LNX1: variants seen among roughly 807,000 people sequenced by gnomAD.
LNX1 encodes ligand of numb-protein X 1.
LNX1 carries 54 observed loss-of-function variants against 68.4 expected under a neutral mutation model. The observed-to-expected ratio is 0.79, with a 90% confidence interval of 0.63 to 0.99. The LOEUF is 0.99. Ranked by LOEUF, LNX1 falls within the 50% of genes least tolerant of loss-of-function variation. The pLI, the probability that LNX1 is intolerant of heterozygous loss-of-function variation, is 0.00. For synonymous variants in LNX1, 336 were observed against 350.0 expected, an observed-to-expected ratio of 0.96 and a Z score of 0.45; for missense variants, 906 against 926.4, an observed-to-expected ratio of 0.98 and a Z score of 0.29.
chr4:53,564,052 G>A (rs545552763), intron 2 of LNX1, among the ~76,000 whole-genome samples: 34 of 152,344 alleles, frequency 2.2e-4, no homozygotes, highest in Non-Finnish European at 4.0e-4. Flanking sequence ...TGCTGTGGGC[G>A]CCTGTGAAGG....
At chr4:53,614,857 G>A (rs1733628264) in intron 2 of LNX1, among the ~76,000 whole-genome samples, 1 of 152,144 alleles carries the variant, frequency 6.6e-6, no homozygotes, top group Non-Finnish European at 1.5e-5. Context: ...GAGGCTCCAG[G>A]TGCAGGGAGG....
Position 53,501,299 on chromosome 4 carries a change from T to TTGGGGGGGGGG in LNX1, c.776-2457_776-2456insCCCCCCCCCCA, listed in dbSNP as rs56165716. Reference sequence around the variant, plus strand: ...TAATAATCTTTTTTTTTTTTTTTTTTGGGGGTGGGGGGACAGGATCTCACT... The same window carrying TTGGGGGGGGGG: ...TAATAATCTTTTTTTTTTTTTTTTTTTGGGGGGGGGGGGGGGTGGGGGGACAGGATCTCACT... On this transcript the variant is annotated intron_variant, in intron 4 of 10. Transcript: ENST00000263925. 4.9e-4 allele frequency among the ~76,000 whole-genome samples: 19 copies of TTGGGGGGGGGG among 38,768 alleles called. 3 individuals are homozygous for TTGGGGGGGGGG. The highest frequency in any genetic ancestry group is 1.3e-3 in the Non-Finnish European group (18 of 14,374). 25.4% of individuals were successfully genotyped at this position (38,768 alleles called of 152,430 possible). A position where few individuals can be genotyped will look rare whatever the true frequency, so the allele number is the denominator to read the frequency against.
chr4:53,487,747 GA>G (rs1264188858), intron 6 of LNX1, among the ~76,000 whole-genome samples: 1 of 152,206 alleles, frequency 6.6e-6, no homozygotes, highest in Non-Finnish European at 1.5e-5. Flanking sequence ...GCTGCTTATA[GA>G]GCTCGTCCTC....
chr4:53,491,792 C>CTTTT (rs149789223), intron 6 of LNX1, among the ~76,000 whole-genome samples: 2 of 62,228 alleles, frequency 3.2e-5, no homozygotes, highest in Non-Finnish European at 4.5e-5. Flanking sequence ...GGATACGATA[C>CTTTT]TTTTTTTTGT....
chr4:53,465,211 C>A (rs774421003), intron 9 of LNX1, among the ~76,000 whole-genome samples: 7 of 152,254 alleles, frequency 4.6e-5, no homozygotes, highest in Non-Finnish European at 1.0e-4. Context: ...CAGTTTACAT[C>A]TTTAAAAAGT....
At chr4:53,541,864 T>A (rs142170657) in intron 2 of LNX1, among the ~76,000 whole-genome samples, 1 of 152,274 alleles carries the variant, frequency 6.6e-6, no homozygotes, top group East Asian at 1.9e-4. Context: ...AGCTTTGTAA[T>A]AAGTGAAATT....
At chr4:53,565,872 G>A (rs1327967139) in intron 2 of LNX1, among the ~76,000 whole-genome samples, 4 of 152,176 alleles carry the variant, frequency 2.6e-5, no homozygotes. Context: ...AGGAGCCGAC[G>A]TGATCAACTG....
At chr4:53,509,395 A>T (rs1408306149) in intron 2 of LNX1, among the ~76,000 whole-genome samples, 2 of 152,376 alleles carry the variant, frequency 1.3e-5, no homozygotes, top group East Asian at 3.9e-4. Context: ...GATGAAATCA[A>T]AGGTCAGTCT....
At chr4:53,480,537 T>C (rs560778073) in intron 7 of LNX1, among the ~76,000 whole-genome samples, 1 of 152,324 alleles carries the variant, frequency 6.6e-6, no homozygotes, top group Non-Finnish European at 1.5e-5. Context: ...ATCAGTTAAA[T>C]TTAAACATTA....
At chr4:53,565,115 T>A (rs4256280) in intron 2 of LNX1, among the ~76,000 whole-genome samples, 2 of 151,466 alleles carry the variant, frequency 1.3e-5, no homozygotes, top group East Asian at 2.0e-4. Flanking sequence ...AAACAAAGCA[T>A]CCTGGAAGCT....
intron 9 of LNX1, among the ~76,000 whole-genome samples, chr4:53,464,534 C>G (rs1235891795): frequency 1.9e-5 from 1 of 52,016 alleles, no homozygotes. Flanking sequence ...GTTATAAACT[C>G]ATAATTCTGT....
chr4:53,462,503 G>T lies in LNX1; in HGVS notation c.1893-910C>A, dbSNP rs1722238017. ...TTCATGTTGCCAAAAATCAGATATG[G>T]CTATTTTGTTTATATACCGTACCTT... is the stretch of plus-strand genomic sequence containing the variant. On this transcript the variant is annotated intron_variant, in intron 9 of 10. Transcript: ENST00000263925. Among the ~76,000 whole-genome samples, 6 of 152,006 alleles carry T rather than the reference G, an allele frequency of 3.9e-5. No homozygotes were observed. In the South Asian group the frequency reaches 1.2e-3, roughly 32 times the overall value.
chr4:53,641,208 TG>T (rs533562744), intron 1 of LNX1, among the ~76,000 whole-genome samples: 4 of 40,504 alleles, frequency 9.9e-5, no homozygotes, highest in Admixed American at 3.1e-4. Flanking sequence ...AAGGGCGGGG[TG>T]GGGGGGCACC....
intron 2 of LNX1, among the ~76,000 whole-genome samples, chr4:53,613,159 G>C (rs576266360): frequency 1.3e-5 from 2 of 150,486 alleles, no homozygotes; most frequent in African/African-American, 4.9e-5. Flanking sequence ...AGAAGAGGAA[G>C]CACCAAGCCA....
intron 2 of LNX1, among the ~76,000 whole-genome samples, chr4:53,597,810 A>G (rs746702156): frequency 7.2e-5 from 11 of 152,104 alleles, no homozygotes; most frequent in Non-Finnish European, 1.5e-4. Flanking sequence ...ATTTTCTCAA[A>G]CTATCCTGAA....
At chr4:53,638,865 G>T (rs565084795) in intron 1 of LNX1, among the ~76,000 whole-genome samples, 1 of 152,254 alleles carries the variant, frequency 6.6e-6, no homozygotes, top group African/African-American at 2.4e-5. Flanking sequence ...AGAGAAAAGG[G>T]GACACTTATA....
intron 6 of LNX1, among the ~76,000 whole-genome samples, chr4:53,488,934 A>G (rs1297242533): frequency 6.6e-6 from 1 of 152,214 alleles, no homozygotes; most frequent in Non-Finnish European, 1.5e-5. Flanking sequence ...TGAACAAAAG[A>G]ACTTCCAGGG....
intron 9 of LNX1, among the ~76,000 whole-genome samples, chr4:53,467,561 T>C (rs549180231): frequency 6.6e-6 from 1 of 152,104 alleles, no homozygotes; most frequent in African/African-American, 2.4e-5. Context: ...GGAGGAAGTT[T>C]GAACCAATGG....
chr4:53,474,144 A>G (rs1334148383), intron 9 of LNX1, among the ~76,000 whole-genome samples: 1 of 152,214 alleles, frequency 6.6e-6, no homozygotes, highest in Non-Finnish European at 1.5e-5. Flanking sequence ...TAACTTATTT[A>G]ACCAGTTCCT....
Sources: allele counts gnomAD v4.1 joint callset (sites outside exome capture counted in the v4.1 genomes callset), GRCh38; gene constraint gnomAD v4.1.1; transcripts MANE v1.5; gene names NCBI Gene and HGNC (gene_info 2026-07-23, HGNC 2026-07-21).